WDR27: variants seen among roughly 807,000 people sequenced by gnomAD.
The protein encoded by WDR27 is WD repeat-containing protein 27.
Under a neutral mutation model 114.4 loss-of-function variants are expected in WDR27, and 100 were observed. That is an observed-to-expected ratio of 0.87 (90% CI 0.74 to 1.03). The LOEUF is 1.03. WDR27 is among the 50% of genes least tolerant of loss of function. The pLI is 0.00. For synonymous variants in WDR27, 449 were observed against 423.1 expected (o/e 1.06, Z -0.75); for missense variants, 1,129 against 1,092.9 (o/e 1.03, Z -0.47).
chr6:169,487,074 C>T (rs1789029981), intron 25 of WDR27, among the ~76,000 whole-genome samples: 1 of 152,156 alleles, frequency 6.6e-6, no homozygotes, highest in South Asian at 2.1e-4. Flanking sequence ...CTGGCAGTGC[C>T]ATTCACCAGC....
intron 25 of WDR27, among the ~76,000 whole-genome samples, chr6:169,550,767 G>A (rs1797988448): frequency 6.6e-6 from 1 of 152,112 alleles, no homozygotes; most frequent in Non-Finnish European, 1.5e-5. Context: ...CCAGGCTGGA[G>A]TGCAGTGACT....
chr6:169,432,401 G>T, the WDR27 span, among the ~76,000 whole-genome samples: 4 of 152,160 alleles, frequency 2.6e-5, no homozygotes, highest in Non-Finnish European at 5.9e-5. Context: ...GGGTTTGGCT[G>T]TGTCCCCACC....
At chr6:169,462,329 C>T (rs913873460) in intron 25 of WDR27, among the ~76,000 whole-genome samples, 1 of 151,770 alleles carries the variant, frequency 6.6e-6, no homozygotes, top group African/African-American at 2.4e-5. Flanking sequence ...CCCAGCTACT[C>T]GAGAGGCTGA....
rs3800544 is a variant in WDR27, at chr6:169,658,278, C to T, written c.1400G>A (p.Arg467His). ...ATCTCACAGCACCCTGTACTGACCA[C>T]GTCGCTGTTCACTAGCAGCCTTGGT... The part of the protein sequence containing the change: ...KSTKAASEQR[R>H]AARNVMKDQR... The change falls in exon 13 of 26, where the codon CGT (arginine) becomes CAT (histidine). Residue 467 changes from arginine to histidine, a missense_variant and splice_region_variant. By Grantham distance (29) the Arg-to-His change is conservative. Coordinates refer to ENST00000448612, the MANE Select transcript of WDR27 (RefSeq NM_182552.5). The T allele has an allele frequency of 0.072, 114,607 of 1,596,112 alleles. 4,391 individuals carry two copies. The highest frequency in any genetic ancestry group is 0.11 in the East Asian group (4,782 of 44,326).
At chr6:169,532,639 T>C (rs1031541945) in intron 25 of WDR27, among the ~76,000 whole-genome samples, 1 of 152,210 alleles carries the variant, frequency 6.6e-6, no homozygotes, top group Non-Finnish European at 1.5e-5. Flanking sequence ...ACTTTAGTCA[T>C]ATAAATGAAA....
intron 25 of WDR27, among the ~76,000 whole-genome samples, chr6:169,506,716 A>G (rs1392905325): frequency 1.3e-5 from 2 of 152,242 alleles, no homozygotes; most frequent in African/African-American, 4.8e-5. Context: ...CTTTGGAAAA[A>G]TAGATTGTAC....
chr6:169,559,530 G>A (rs1799373619), intron 25 of WDR27: 1 of 152,184 alleles, frequency 6.6e-6, no homozygotes, highest in African/African-American at 2.4e-5. Flanking sequence ...CACATTAGTA[G>A]AAATATAATA....
At chr6:169,540,282 GCTT>G (rs1796672227) in intron 25 of WDR27, among the ~76,000 whole-genome samples, 1 of 151,924 alleles carries the variant, frequency 6.6e-6, no homozygotes, top group Non-Finnish European at 1.5e-5. Context: ...TGATCACGAT[GCTT>G]AAAATTATAT....
At chr6:169,593,102 C>A (rs1335554513) in intron 23 of WDR27, among the ~76,000 whole-genome samples, 1 of 152,190 alleles carries the variant, frequency 6.6e-6, no homozygotes, top group Non-Finnish European at 1.5e-5. Context: ...TAACTCCTTT[C>A]TGAAATTTCA....
intron 12 of WDR27, 134 bp downstream of exon 12, chr6:169,658,952 G>T (rs1825137143): frequency 8.0e-7 from 1 of 1,253,096 alleles, no homozygotes; most frequent in African/African-American, 1.5e-5. Flanking sequence ...CTCCCAAAGT[G>T]CTGGGATTAT....
intron 25 of WDR27, among the ~76,000 whole-genome samples, chr6:169,563,370 C>T (rs917385658): frequency 6.6e-6 from 1 of 152,182 alleles, no homozygotes; most frequent in Non-Finnish European, 1.5e-5. Context: ...ACAACCCCAA[C>T]AGGGTCTCTA....
At chr6:169,687,528 A>G (rs56738527) in intron 2 of WDR27, among the ~76,000 whole-genome samples, 1 of 152,320 alleles carries the variant, frequency 6.6e-6, no homozygotes, top group African/African-American at 2.4e-5. Context: ...AGGTACCACT[A>G]TGCCCTTTTC....
At chr6:169,445,287 G>A in the WDR27 span, among the ~76,000 whole-genome samples, 2 of 152,058 alleles carry the variant, frequency 1.3e-5, no homozygotes, top group African/African-American at 4.8e-5. Flanking sequence ...CTGAGACTAC[G>A]GGGAGTCCTC....
At position 169,554,307 on chromosome 6, in the gene WDR27, C is replaced by T. The variant is rs561012859; in HGVS notation, c.2645+18112G>A. Among the ~76,000 whole-genome samples the T allele has an allele frequency of 2.0e-5, 3 of 152,278 alleles. No individual in the cohort carries two copies. The East Asian group carries it at 5.8e-4, about 29-fold the overall frequency. ...GTCGGGCACAAGTGCCTACCACGCT[C>T]TAAGGGAAAGGTTGATGGTGAATGC... On this transcript the variant is annotated intron_variant, in intron 25 of 25. Coordinates refer to ENST00000448612, the MANE Select transcript of WDR27 (RefSeq NM_182552.5).
intron 2 of WDR27, among the ~76,000 whole-genome samples, chr6:169,679,405 T>A (rs914048746): frequency 1.3e-5 from 2 of 152,212 alleles, no homozygotes; most frequent in South Asian, 2.1e-4. Flanking sequence ...GAGAAGGACA[T>A]AAAATGTAGG....
chr6:169,520,099 C>T (rs956032216), intron 25 of WDR27, among the ~76,000 whole-genome samples: 5 of 152,142 alleles, frequency 3.3e-5, no homozygotes, highest in African/African-American at 1.2e-4. Context: ...GGACTACCAT[C>T]CCACCCTAGA....
chr6:169,660,832 C>A (rs1197485000), intron 9 of WDR27, 66 bp from the exon 10 acceptor site: 1 of 1,425,324 alleles, frequency 7.0e-7, no homozygotes, highest in Non-Finnish European at 9.7e-7. Context: ...GCCCCACGTG[C>A]GCCCCCTGGC....
At chr6:169,676,086 G>C (rs1277856248) in intron 2 of WDR27, among the ~76,000 whole-genome samples, 1 of 152,140 alleles carries the variant, frequency 6.6e-6, no homozygotes, top group East Asian at 1.9e-4. Flanking sequence ...AGAATTTATG[G>C]TTTGTAGGGC....
chr6:169,670,143 G>A lies in WDR27; in HGVS notation c.456+426C>T, dbSNP rs80129930. 3.9e-3 allele frequency: 613 copies of A among 157,120 alleles called. 4 individuals are homozygous for A. Among genetic ancestry groups the A allele is most frequent in the Middle Eastern group, 6.8e-3 (2 of 294 alleles). 9.7% of individuals were successfully genotyped at this position (157,120 alleles called of 1,614,324 possible). A position where few individuals can be genotyped will look rare whatever the true frequency, so the allele number is the denominator to read the frequency against. On this transcript the variant is annotated intron_variant, in intron 4 of 25. Transcript: ENST00000448612. ...GACTGTTCTAGTCACACACGAGGTC[G>A]AAATCACACAGGCAGGAAGAGGTGA...
Sources: gnomAD v4.1 joint callset for allele counts (sites outside exome capture counted in the v4.1 genomes callset) on GRCh38, gnomAD v4.1.1 for gene constraint, MANE v1.5 for transcripts, NCBI Gene and HGNC (gene_info 2026-07-23, HGNC 2026-07-21) for gene names.